The following USP7 variants were observed in gnomAD, a reference collection of about 807,000 sequenced individuals.
USP7 encodes the protein ubiquitin specific peptidase 7.
In USP7, 9 loss-of-function variants were observed where a neutral mutation model predicts 162.9. The ratio of observed to expected loss-of-function variants is 0.06; its 90% confidence interval spans 0.03 to 0.10. The LOEUF (loss-of-function observed/expected upper bound fraction) is 0.10, where lower values mean the gene tolerates loss of function less well. Ranked by LOEUF, USP7 falls within the 10% of genes least tolerant of loss-of-function variation. The probability of loss-of-function intolerance (pLI) is 1.00; values close to 1 mark genes in which losing one functional copy is unlikely to be tolerated. For missense variants in USP7, 715 were observed against 1,373.7 expected (o/e 0.52, Z 7.58); for synonymous variants, 562 against 475.9 (o/e 1.18, Z -2.35).
At chr16:8,913,752 T>A (rs2061987247) in intron 10 of USP7, among the ~76,000 whole-genome samples, 1 of 152,008 alleles carries the variant, frequency 6.6e-6, no homozygotes, top group South Asian at 2.1e-4. Flanking sequence ...ACTCTTTTTA[T>A]TTTATTTTAC....
chr16:8,897,028 C>T lies in USP7; in HGVS notation c.2790G>A (p.Glu930=), dbSNP rs575970645. 15 of 1,614,172 alleles carry T rather than the reference C, an allele frequency of 9.3e-6. No individual in the cohort carries two copies. In the East Asian group the frequency reaches 2.0e-4, roughly 22 times the overall value. ...GTTTCCCTGATGCTTTCTCCCCAAG[C>T]TCCACGGCCTTTTTACATTCTTCTA... is the stretch of plus-strand genomic sequence containing the variant. ...DLLEECKKAV[E]LGEKASGKLR... is the part of the protein sequence containing the mutation. Residue 930 remains glutamate (E), a synonymous_variant, in exon 26 of 31, where the codon GAG becomes GAA. Transcript: ENST00000344836.
intron 1 of USP7, among the ~76,000 whole-genome samples, chr16:8,945,591 C>G (rs554574954): frequency 6.6e-6 from 1 of 152,088 alleles, no homozygotes; most frequent in Non-Finnish European, 1.5e-5. Context: ...GGGGACATAC[C>G]GTGCCCATGG....
intron 1 of USP7, among the ~76,000 whole-genome samples, chr16:8,954,647 G>A (rs892418337): frequency 6.6e-6 from 1 of 152,176 alleles, no homozygotes; most frequent in African/African-American, 2.4e-5. Flanking sequence ...TAAATACGAA[G>A]GTATGTATTC....
At chr16:8,946,499 C>A (rs1278274735) in intron 1 of USP7, among the ~76,000 whole-genome samples, 1 of 152,208 alleles carries the variant, frequency 6.6e-6, no homozygotes, top group East Asian at 1.9e-4. Context: ...TACACACGAG[C>A]TACAGACCAG....
chr16:8,914,047 T>C (rs945802174), intron 10 of USP7, among the ~76,000 whole-genome samples: 3 of 152,026 alleles, frequency 2.0e-5, no homozygotes, highest in African/African-American at 7.3e-5. Flanking sequence ...CTCCCCCTTA[T>C]TTTAAATATT....
chr16:8,921,227 C>A lies in USP7; in HGVS notation c.452G>T (p.Ser151Ile). Reference sequence around the variant, plus strand: ...GAAGAACAAATGACTAATACGACGACTGAACGACTTTTCATCATCTCTGTA... The same window carrying A: ...GAAGAACAAATGACTAATACGACGAATGAACGACTTTTCATCATCTCTGTA... ...INYRDDEKSF[S>I]RRISHLFFHK... is the part of the protein sequence containing the mutation. Residue 151 changes from serine to isoleucine, a missense_variant, in exon 4 of 31, where the codon AGT becomes ATT. Ser to Ile is a moderately radical substitution (Grantham distance 142). Coordinates refer to ENST00000344836, the MANE Select transcript of USP7 (RefSeq NM_003470.3). The A allele has an allele frequency of 6.2e-7, 1 of 1,614,112 alleles. No homozygotes were observed. Among genetic ancestry groups the A allele is most frequent in the Non-Finnish European group, 8.5e-7 (1 of 1,180,024 alleles).
At chr16:8,921,953 C>G (rs892245358) in intron 3 of USP7, among the ~76,000 whole-genome samples, 1 of 152,214 alleles carries the variant, frequency 6.6e-6, no homozygotes, top group African/African-American at 2.4e-5. Flanking sequence ...AATGGTTTGA[C>G]TCTTCAGGAC....
In USP7 at chr16:8,897,051, C is replaced by G. The variant is rs1246063116; in HGVS notation, c.2767G>C (p.Glu923Gln). ...DKHGCVRDLL[E>Q]ECKKAVELGE... ...AGCTCCACGGCCTTTTTACATTCTT[C>G]TAACAGGTCCCGGACACACCCATGC... Residue 923 changes from glutamate (E) to glutamine (Q), a missense_variant, in exon 26 of 31, where the codon GAA becomes CAA. This residue lies in a region of USP7 where 222 missense variants were observed against 441.7 expected (regional missense o/e 0.50). Transcript: ENST00000344836. The G allele has an allele frequency of 6.2e-7, 1 of 1,614,206 alleles. No homozygotes were observed. Among genetic ancestry groups the G allele is most frequent in the Non-Finnish European group, 8.5e-7 (1 of 1,180,016 alleles).
intron 1 of USP7, among the ~76,000 whole-genome samples, chr16:8,932,062 C>T (rs1392467470): frequency 6.6e-6 from 1 of 152,140 alleles, no homozygotes; most frequent in African/African-American, 2.4e-5. Context: ...ATGCTCACCT[C>T]CCCCTCCAAG....
chr16:8,960,824 C>G (rs888253725), intron 1 of USP7, among the ~76,000 whole-genome samples: 1 of 152,198 alleles, frequency 6.6e-6, no homozygotes, highest in Non-Finnish European at 1.5e-5. Flanking sequence ...ATTGGGAAGG[C>G]TGAAATAGAT....
In USP7 at chr16:8,902,181, C is replaced by T; in HGVS notation, c.1948G>A (p.Glu650Lys). The change falls in exon 18 of 31, where the codon GAG (glutamate) becomes AAG (lysine). Residue 650 changes from glutamate to lysine, a missense_variant. By Grantham distance (56) the Glu-to-Lys change is moderately conservative (BLOSUM62 1). Around this residue, in one of 11 missense-constraint regions of USP7, gnomAD observed 197 missense variants for 306.5 expected, o/e 0.64. Coordinates refer to ENST00000344836, the MANE Select transcript of USP7 (RefSeq NM_003470.3). ...CAAGGGTTTTCATTATCACTGAGCTCAATCATCTATTTCCAAAAGAGACGC... is the reference window on the plus strand; with the variant it reads ...CAAGGGTTTTCATTATCACTGAGCTTAATCATCTATTTCCAAAAGAGACGC... ...NEADGNKTMI[E>K]LSDNENPWTI... The T allele has an allele frequency of 6.2e-7, 1 of 1,613,986 alleles. No individual in the cohort carries two copies. Among genetic ancestry groups the T allele is most frequent in the Non-Finnish European group, 8.5e-7 (1 of 1,179,982 alleles).
chr16:8,946,679 G>C (rs1368852700), intron 1 of USP7, among the ~76,000 whole-genome samples: 1 of 152,074 alleles, frequency 6.6e-6, no homozygotes, highest in Non-Finnish European at 1.5e-5. Context: ...CAATAATCTG[G>C]TCACTGGCCT....
intron 4 of USP7, 92 bp downstream of exon 4, chr16:8,921,065 T>C: frequency 7.2e-7 from 1 of 1,387,278 alleles, no homozygotes; most frequent in Non-Finnish European, 9.7e-7. Context: ...AATCTGACTC[T>C]AAAATCAATA....
intron 15 of USP7, among the ~76,000 whole-genome samples, chr16:8,903,981 C>G (rs1172156974): frequency 3.9e-5 from 6 of 152,210 alleles, no homozygotes; most frequent in Non-Finnish European, 8.8e-5. Flanking sequence ...ATGACCTCCT[C>G]CCTTTCTCCA....
chr16:8,928,230 G>C (rs1898121072), intron 2 of USP7, among the ~76,000 whole-genome samples: 1 of 152,140 alleles, frequency 6.6e-6, no homozygotes, highest in East Asian at 1.9e-4. Flanking sequence ...GTGCAAATCA[G>C]TCAAGTCGCT....
At chr16:8,944,891 T>C (rs1899208670) in intron 1 of USP7, among the ~76,000 whole-genome samples, 1 of 138,770 alleles carries the variant, frequency 7.2e-6, no homozygotes, top group Admixed American at 6.7e-5. Context: ...GCAGATCGAA[T>C]GAGGTCAGGA....
chr16:8,908,004 C>T (rs982956034), intron 12 of USP7, among the ~76,000 whole-genome samples: 1 of 152,124 alleles, frequency 6.6e-6, no homozygotes. Context: ...CATTTATAAT[C>T]GGTCAAAATT....
intron 19 of USP7, 21 bp downstream of exon 19, chr16:8,901,121 G>A (rs773584026): frequency 6.2e-7 from 1 of 1,612,560 alleles, no homozygotes; most frequent in South Asian, 1.1e-5. Context: ...TACTCAGAAG[G>A]TAAGTGCACG....
chr16:8,947,483 G>C (rs949742302), intron 1 of USP7, among the ~76,000 whole-genome samples: 1 of 151,914 alleles, frequency 6.6e-6, no homozygotes, highest in Non-Finnish European at 1.5e-5. Context: ...TGATTAGCTG[G>C]ACTACAGACA....
Sources: gnomAD v4.1 joint callset for allele counts (sites outside exome capture counted in the v4.1 genomes callset) on GRCh38, gnomAD v4.1.1 for gene constraint, gnomAD v4.1.1 regional missense constraint, MANE v1.5 for transcripts, NCBI Gene and HGNC (gene_info 2026-07-23, HGNC 2026-07-21) for gene names.